Variants in DNAH14 observed in about 807,000 individuals in gnomAD.
DNAH14 encodes axonemal beta dynein heavy chain 14.
Under a neutral mutation model 520.9 loss-of-function variants are expected in DNAH14, and 478 were observed. That is an observed-to-expected ratio of 0.92 (90% CI 0.85 to 0.99). The LOEUF (loss-of-function observed/expected upper bound fraction) is 0.99, where lower values mean the gene tolerates loss of function less well. Ranked by LOEUF, DNAH14 falls within the 50% of genes least tolerant of loss-of-function variation. The pLI is 0.00. For synonymous variants in DNAH14, 1,581 were observed against 1,757.2 expected, an observed-to-expected ratio of 0.90 and a Z score of 2.51; for missense variants, 4,831 against 5,234.5, an observed-to-expected ratio of 0.92 and a Z score of 2.38.
rs369976229 is a variant in DNAH14, at chr1:224,935,884, T to A, written c.-34+6049T>A. Among the ~76,000 whole-genome samples the A allele has an allele frequency of 2.6e-5, 4 of 151,780 alleles. No individual in the cohort carries two copies. In the South Asian group the frequency reaches 8.3e-4, roughly 32 times the overall value. The stretch of plus-strand genomic sequence containing the variant: ...TTTTTTGGCCACATTGGAATAAAAC[T>A]AGAAAGTAATAAGAACAACTCTGGA... On this transcript the variant is annotated intron_variant, in intron 1 of 85. Transcript: ENST00000682510.
At chr1:225,063,892 C>A (rs2070512319) in intron 17 of DNAH14, among the ~76,000 whole-genome samples, 1 of 46,372 alleles carries the variant, frequency 2.2e-5, no homozygotes, top group Admixed American at 3.7e-4. Context: ...TGCAGCAAGA[C>A]CTCCTCCCCA....
At chr1:225,282,632 A>G (rs977252967) in intron 54 of DNAH14, among the ~76,000 whole-genome samples, 1 of 152,184 alleles carries the variant, frequency 6.6e-6, no homozygotes, top group Admixed American at 6.5e-5. Context: ...AGTTAATTAC[A>G]TAAGGGAATC....
intron 31 of DNAH14, among the ~76,000 whole-genome samples, chr1:225,149,625 C>G (rs2149079173): frequency 1.3e-5 from 2 of 152,170 alleles, no homozygotes; most frequent in African/African-American, 4.8e-5. Context: ...TAGGAGAGAT[C>G]TTTCATCTCC....
intron 3 of DNAH14, among the ~76,000 whole-genome samples, chr1:224,957,836 ACTATATGCAACTCTTGAG>A (rs1455536295): frequency 3.9e-5 from 6 of 152,128 alleles, no homozygotes; most frequent in African/African-American, 7.2e-5. Context: ...AGAGTTAGTG[ACTATATGCAACTCTTGAG>A]AGAAGTTTAG....
intron 8 of DNAH14, among the ~76,000 whole-genome samples, chr1:224,990,875 G>A (rs577510431): frequency 6.6e-6 from 1 of 152,112 alleles, no homozygotes; most frequent in East Asian, 1.9e-4. Context: ...CCTCCATACA[G>A]TTTTCCATAT....
intron 4 of DNAH14, among the ~76,000 whole-genome samples, chr1:224,964,011 G>A (rs75167690): frequency 2.0e-5 from 3 of 152,092 alleles, no homozygotes; most frequent in Non-Finnish European, 4.4e-5. Context: ...TAAAAGCCAA[G>A]AAAAGAGACT....
In DNAH14 at chr1:225,041,621, T is replaced by C. The variant is rs920621184; in HGVS notation, c.1489-1214T>C. Among the ~76,000 whole-genome samples the C allele has an allele frequency of 2.8e-4, 43 of 152,116 alleles. 1 individual carries two copies. The highest frequency in any genetic ancestry group is 2.9e-5 in the Non-Finnish European group (2 of 68,016). On this transcript the variant is annotated intron_variant, in intron 12 of 85. Transcript: ENST00000682510. ...ATTTTTTTTGTATGTGCAATGAGAG[T>C]AATAATTTCTGTCTCTTGGGGTTTT...
At chr1:225,306,341 C>T (rs1344603032) in intron 58 of DNAH14, among the ~76,000 whole-genome samples, 7 of 152,152 alleles carry the variant, frequency 4.6e-5, no homozygotes, top group African/African-American at 1.7e-4. Flanking sequence ...GAAAGCTAAT[C>T]TTGTTCTGTT....
chr1:225,125,863 A>T (rs905176599), intron 27 of DNAH14, among the ~76,000 whole-genome samples: 5 of 152,138 alleles, frequency 3.3e-5, no homozygotes, highest in Admixed American at 3.3e-4. Flanking sequence ...CTAGCTTTTA[A>T]TTTTAAGAGA....
intron 8 of DNAH14, among the ~76,000 whole-genome samples, chr1:224,980,009 G>C (rs2062148332): frequency 6.6e-6 from 1 of 152,188 alleles, no homozygotes; most frequent in Non-Finnish European, 1.5e-5. Flanking sequence ...AGTACACTAT[G>C]GCCTTGGGTG....
chr1:225,260,430 A>G (rs1199379784), intron 46 of DNAH14, among the ~76,000 whole-genome samples: 2 of 152,122 alleles, frequency 1.3e-5, no homozygotes, highest in Admixed American at 6.5e-5. Flanking sequence ...TAATGCTGCA[A>G]TGAACACAGG....
At chr1:225,256,160 A>T (rs530120862) in intron 44 of DNAH14, among the ~76,000 whole-genome samples, 1 of 152,356 alleles carries the variant, frequency 6.6e-6, no homozygotes, top group African/African-American at 2.4e-5. Flanking sequence ...TACTATAAGC[A>T]ATAAGAGAAT....
chr1:225,380,615 C>T (rs1171721422), intron 80 of DNAH14, among the ~76,000 whole-genome samples: 1 of 152,136 alleles, frequency 6.6e-6, no homozygotes, highest in African/African-American at 2.4e-5. Flanking sequence ...GTCAAGAGTT[C>T]TAGGTGCCTG....
chr1:225,207,189 C>CTT lies in DNAH14; in HGVS notation c.6409_6410dup (p.Met2138SerfsTer14), dbSNP rs1258168809. On this transcript the variant is annotated frameshift_variant, in exon 41 of 86. Coordinates refer to ENST00000682510, the MANE Select transcript of DNAH14 (RefSeq NM_001367479.1). LOFTEE classifies it high-confidence loss of function. ...GCAGAATTCTTGATGCTTTCTTTGACTTCATGGGTAAAAATGGAGGATTTG... is the reference window on the plus strand; with the variant it reads ...GCAGAATTCTTGATGCTTTCTTTGACTTTTCATGGGTAAAAATGGAGGATTTG... The CTT allele has an allele frequency of 4.6e-6, 7 of 1,532,636 alleles. No homozygotes were observed. In the Admixed American group the frequency reaches 1.5e-4, roughly 32 times the overall value. The allele number at this position is 1,532,636 out of a possible 1,614,324, so 94.9% of individuals were successfully genotyped here.
chr1:225,133,493 C>T (rs185896829), intron 27 of DNAH14, among the ~76,000 whole-genome samples: 6 of 152,262 alleles, frequency 3.9e-5, no homozygotes, highest in South Asian at 2.1e-4. Flanking sequence ...ATCCTTTCCC[C>T]GTTGCTTGTT....
intron 7 of DNAH14, chr1:224,969,613 A>G (rs1001410182): frequency 8.7e-5 from 22 of 254,032 alleles, no homozygotes; most frequent in Non-Finnish European, 1.5e-4. Flanking sequence ...GAGGAAAAGT[A>G]GAGGTTGGTT....
chr1:225,357,719 A>G (rs766963030), intron 73 of DNAH14: 3 of 688,546 alleles, frequency 4.4e-6, no homozygotes, highest in Non-Finnish European at 7.9e-6. Context: ...ACAGTTTTTG[A>G]AAGGTAAAAA....
At chr1:225,357,856 G>C (rs758868272) in intron 73 of DNAH14, 1 of 701,724 alleles carries the variant, frequency 1.4e-6, no homozygotes, top group South Asian at 1.5e-5. Context: ...TGGTCATTGT[G>C]TAGACAAATA....
intron 8 of DNAH14, among the ~76,000 whole-genome samples, chr1:224,989,835 T>A (rs1458616282): frequency 6.6e-6 from 1 of 152,166 alleles, no homozygotes; most frequent in African/African-American, 2.4e-5. Flanking sequence ...TTTTTTCTTC[T>A]TTTGCCTGTT....
Sources: allele counts gnomAD v4.1 joint callset (sites outside exome capture counted in the v4.1 genomes callset), GRCh38; gene constraint gnomAD v4.1.1; transcripts MANE v1.5; gene names NCBI Gene and HGNC (gene_info 2026-07-23, HGNC 2026-07-21).